POU6F2: variants seen among roughly 807,000 people sequenced by gnomAD.
The protein encoded by POU6F2 is POU class 6 homeobox 2.
Under a neutral mutation model 71.3 loss-of-function variants are expected in POU6F2, and 31 were observed. The observed-to-expected ratio is 0.43, with a 90% CI of 0.33 to 0.59. The LOEUF (loss-of-function observed/expected upper bound fraction) is 0.59. POU6F2 is among the 20% of genes least tolerant of loss of function. POU6F2 has a pLI of 0.04. For missense variants in POU6F2, 783 were observed against 856.8 expected, an observed-to-expected ratio of 0.91 and a Z score of 1.07; for synonymous variants, 347 against 355.7, an observed-to-expected ratio of 0.98 and a Z score of 0.27.
At chr7:38,983,446 C>T (rs574566156) in intron 1 of POU6F2, among the ~76,000 whole-genome samples, 93 of 149,194 alleles carry the variant, frequency 6.2e-4, no homozygotes, top group African/African-American at 2.3e-3. Flanking sequence ...AAATTACCAA[C>T]TCAAGTTTGC....
chr7:39,375,242 G>A (rs916111424), intron 5 of POU6F2, among the ~76,000 whole-genome samples: 1 of 152,102 alleles, frequency 6.6e-6, no homozygotes, highest in African/African-American at 2.4e-5. Context: ...CATATGACCC[G>A]GGAGCGAGAC....
At position 39,391,955 on chromosome 7, in the gene POU6F2, T is replaced by C. The variant is rs1787083454; in HGVS notation, c.973-14645T>C. On this transcript the variant is annotated intron_variant, in intron 5 of 9. Transcript: ENST00000518318. ...CAGCCCAGAGGTGTTCACGTGCCTC[T>C]TGTTGCTGCCTGTGGGCTGCTGGAA... Among the ~76,000 whole-genome samples, 3 of 152,316 alleles carry C rather than the reference T, an allele frequency of 2.0e-5. No individual in the cohort carries two copies. The South Asian group carries it at 6.2e-4, about 32-fold the overall frequency.
intron 4 of POU6F2, among the ~76,000 whole-genome samples, chr7:39,291,873 T>A (rs1784763194): frequency 6.6e-6 from 1 of 152,096 alleles, no homozygotes; most frequent in Non-Finnish European, 1.5e-5. Context: ...ACAATCAATC[T>A]TACCTGCTAC....
chr7:39,027,432 G>A (rs1448405249), intron 1 of POU6F2, among the ~76,000 whole-genome samples: 1 of 152,072 alleles, frequency 6.6e-6, no homozygotes, highest in African/African-American at 2.4e-5. Flanking sequence ...TGCCCACAAG[G>A]GCTTTTAAAA....
chr7:38,980,685 T>C (rs941346662), intron 1 of POU6F2, among the ~76,000 whole-genome samples: 4 of 152,214 alleles, frequency 2.6e-5, no homozygotes, highest in Admixed American at 2.0e-4. Context: ...AAATACGTTT[T>C]GGAATAATTA....
intron 4 of POU6F2, among the ~76,000 whole-genome samples, chr7:39,218,348 G>T (rs1429857756): frequency 6.6e-6 from 1 of 152,152 alleles, no homozygotes; most frequent in Non-Finnish European, 1.5e-5. Flanking sequence ...GGGACAGAGA[G>T]TGGGGGGGTT....
chr7:39,446,826 C>G (rs1562556095), intron 7 of POU6F2, among the ~76,000 whole-genome samples: 1 of 152,202 alleles, frequency 6.6e-6, no homozygotes, highest in Non-Finnish European at 1.5e-5. Flanking sequence ...TTCTTTCTTG[C>G]AGATTCTCCA....
intron 2 of POU6F2, among the ~76,000 whole-genome samples, chr7:39,182,401 A>G (rs1013003071): frequency 2.0e-5 from 3 of 152,164 alleles, no homozygotes; most frequent in African/African-American, 4.8e-5. Context: ...TTCACTTCCT[A>G]TGCATCTCAG....
chr7:39,401,938 T>C (rs1209669950), intron 5 of POU6F2, among the ~76,000 whole-genome samples: 1 of 152,186 alleles, frequency 6.6e-6, no homozygotes, highest in East Asian at 1.9e-4. Flanking sequence ...AAGTCCCTCT[T>C]AGAATGAAGA....
At chr7:39,152,815 T>C (rs1240786940) in intron 2 of POU6F2, among the ~76,000 whole-genome samples, 2 of 152,214 alleles carry the variant, frequency 1.3e-5, no homozygotes, top group Non-Finnish European at 2.9e-5. Flanking sequence ...CATTTTCTAG[T>C]TTACTTATAA....
chr7:39,021,943 T>C (rs1388337218), intron 1 of POU6F2, among the ~76,000 whole-genome samples: 1 of 152,126 alleles, frequency 6.6e-6, no homozygotes, highest in African/African-American at 2.4e-5. Flanking sequence ...ATATTTTCCT[T>C]CTTTTTTACT....
At position 39,346,937 on chromosome 7, in the gene POU6F2, C is replaced by G. The variant is rs145903600; in HGVS notation, c.972+6922C>G. On this transcript the variant is annotated intron_variant, in intron 5 of 9. Coordinates refer to ENST00000518318, the MANE Select transcript of POU6F2 (RefSeq NM_001370959.1). ...TGTAAATATTTACTGAGCACCTGTG[C>G]TGTGCATTGTCCTGGAGAAGGTTTG... 5.2e-3 allele frequency among the ~76,000 whole-genome samples: 794 copies of G among 152,314 alleles called. 6 individuals carry two copies. The highest frequency in any genetic ancestry group is 0.016 in the African/African-American group (674 of 41,578).
At chr7:39,122,113 TA>T (rs1792055696) in intron 2 of POU6F2, among the ~76,000 whole-genome samples, 1 of 152,232 alleles carries the variant, frequency 6.6e-6, no homozygotes, top group Non-Finnish European at 1.5e-5. Context: ...AATGTAATCT[TA>T]AACCTATCTT....
Position 39,340,054 on chromosome 7 carries a change from CA to C in POU6F2, c.972+41del, listed in dbSNP as rs763611123. The C allele has an allele frequency of 1.3e-3, 1,994 of 1,553,780 alleles. 3 individuals are homozygous for C. Among genetic ancestry groups the C allele is most frequent in the Non-Finnish European group, 1.6e-3 (1,856 of 1,146,046 alleles). Reference sequence around the variant, plus strand: ...GCTTCCCGTCTGCCCCTAGGAGCACCAAGGACCTTTCCATGGGGTGGTGCCA... The same window carrying C: ...GCTTCCCGTCTGCCCCTAGGAGCACCAGGACCTTTCCATGGGGTGGTGCCA... On this transcript the variant is annotated intron_variant, in intron 5 of 9. Coordinates refer to ENST00000518318, the MANE Select transcript of POU6F2 (RefSeq NM_001370959.1).
At chr7:39,194,042 G>A (rs1793725431) in intron 2 of POU6F2, among the ~76,000 whole-genome samples, 1 of 152,172 alleles carries the variant, frequency 6.6e-6, no homozygotes, top group Non-Finnish European at 1.5e-5. Flanking sequence ...TAAGGATTAA[G>A]GGAAGAAAGG....
chr7:39,048,345 T>A (rs925074397), intron 1 of POU6F2, among the ~76,000 whole-genome samples: 3 of 150,666 alleles, frequency 2.0e-5, no homozygotes, highest in Non-Finnish European at 4.4e-5. Flanking sequence ...GTTTTTTTTT[T>A]ATCTTCACCC....
chr7:39,309,544 G>A (rs1785117621), intron 4 of POU6F2, among the ~76,000 whole-genome samples: 1 of 152,180 alleles, frequency 6.6e-6, no homozygotes, highest in African/African-American at 2.4e-5. Flanking sequence ...GCTAGCTCTA[G>A]AAACTCCACA....
In POU6F2 at chr7:39,085,862, TC is replaced by T. The variant is rs769999743; in HGVS notation, c.110del (p.Pro37GlnfsTer2). 20 of 1,613,044 alleles carry T rather than the reference TC, an allele frequency of 1.2e-5. No homozygotes were observed. The highest frequency in any genetic ancestry group is 1.5e-5 in the Non-Finnish European group (18 of 1,179,642). ...TTCACTCTTTTCGCCCATCCTAGGA[TC>T]CAATGATAGCTGGACAAGTCAGTAA... ...GTMQAVIGQDPMIAGQVSKPL... is the reference protein window; with the variant it reads ...GTMQAVIGQDXMIAGQVSKPL... On this transcript the variant is annotated frameshift_variant, in exon 2 of 10. Transcript: ENST00000518318. LOFTEE classifies it high-confidence loss of function.
At chr7:39,083,442 TGAC>T (rs1174797053) in intron 1 of POU6F2, 1 of 152,140 alleles carries the variant, frequency 6.6e-6, no homozygotes, top group Non-Finnish European at 1.5e-5. Flanking sequence ...TGACATCACA[TGAC>T]GAGTATACTT....
Sources: allele counts gnomAD v4.1 joint callset (sites outside exome capture counted in the v4.1 genomes callset), GRCh38; gene constraint gnomAD v4.1.1; transcripts MANE v1.5; gene names NCBI Gene and HGNC (gene_info 2026-07-23, HGNC 2026-07-21).